QNG1: variants seen among roughly 807,000 people sequenced by gnomAD.
QNG1 encodes the protein Q-nucleotide N-glycosylase 1, also known as queuosine 5'-phosphate N-glycosylase/hydrolase.
At chr9:83,946,257 A>G in the QNG1 span, among the ~76,000 whole-genome samples, 1 of 152,046 alleles carries the variant, frequency 6.6e-6, no homozygotes, top group Admixed American at 6.6e-5. Context: ...GTGAGCCGAG[A>G]TCGCACCACT....
At chr9:83,946,116 C>T in the QNG1 span, among the ~76,000 whole-genome samples, 36 of 151,660 alleles carry the variant, frequency 2.4e-4, no homozygotes, top group South Asian at 7.5e-3. Context: ...ACCAGCCTGG[C>T]CCATATGGTA....
chr9:83,954,212 G>A, the QNG1 span, among the ~76,000 whole-genome samples: 1 of 151,896 alleles, frequency 6.6e-6, no homozygotes. Flanking sequence ...TTTTTATTAG[G>A]GAGAGGTTAG....
the QNG1 span, chr9:83,956,432 A>G: frequency 1.3e-6 from 2 of 1,568,888 alleles, no homozygotes; most frequent in Non-Finnish European, 1.7e-6. Context: ...CTCCGCTGTC[A>G]ATAAACACAT....
the QNG1 span, chr9:83,956,695 C>A: frequency 8.6e-6 from 4 of 467,272 alleles, no homozygotes; most frequent in African/African-American, 6.0e-5. Context: ...ATTAGGAAAC[C>A]AGAGAGACCC....
chr9:83,956,334 T>C, the QNG1 span: 50 of 1,613,318 alleles, frequency 3.1e-5, no homozygotes, highest in Non-Finnish European at 3.9e-5. Context: ...CGCCCTGGGG[T>C]TCAGCTCATG....
the QNG1 span, among the ~76,000 whole-genome samples, chr9:83,946,836 C>T: frequency 1.1e-4 from 16 of 152,240 alleles, no homozygotes; most frequent in South Asian, 2.3e-3. Flanking sequence ...TGACCTCAGG[C>T]GATCCGTGTG....
the QNG1 span, among the ~76,000 whole-genome samples, chr9:83,943,754 G>T: frequency 1.3e-5 from 2 of 152,186 alleles, no homozygotes; most frequent in Non-Finnish European, 2.9e-5. Context: ...CGGGGTGGTG[G>T]CTCACACCTG....
the QNG1 span, among the ~76,000 whole-genome samples, chr9:83,948,293 G>GA: frequency 6.7e-6 from 1 of 149,274 alleles, no homozygotes; most frequent in Admixed American, 6.6e-5. Context: ...CCCCGCCTGG[G>GA]AAGTGAGGAG....
the QNG1 span, chr9:83,956,309 C>G: frequency 3.1e-6 from 5 of 1,613,972 alleles, no homozygotes; most frequent in East Asian, 6.7e-5. Context: ...CCCAGTTGAC[C>G]GCGGCCTCGT....
At chr9:83,947,705 G>A in the QNG1 span, among the ~76,000 whole-genome samples, 11 of 152,216 alleles carry the variant, frequency 7.2e-5, no homozygotes, top group African/African-American at 2.7e-4. Flanking sequence ...GGTGGAGATG[G>A]GGTTTCGCCG....
At chr9:83,945,109 G>T in the QNG1 span, 1 of 830,662 alleles carries the variant, frequency 1.2e-6, no homozygotes, top group Non-Finnish European at 1.8e-6. Context: ...TTGTTGGTAA[G>T]AATTTATAGA....
chr9:83,946,196 T>C, the QNG1 span, among the ~76,000 whole-genome samples: 1 of 151,870 alleles, frequency 6.6e-6, no homozygotes, highest in East Asian at 2.0e-4. Context: ...TCTCAGCTAC[T>C]CAGGAGGCTG....
chr9:83,939,501 A>T, the QNG1 span: 1 of 1,580,296 alleles, frequency 6.3e-7, no homozygotes, highest in Non-Finnish European at 8.7e-7. Flanking sequence ...GGATCAGTTT[A>T]CACTTGAGGT....
the QNG1 span, among the ~76,000 whole-genome samples, chr9:83,948,784 T>C: frequency 1.3e-5 from 2 of 152,218 alleles, no homozygotes; most frequent in African/African-American, 4.8e-5. Flanking sequence ...TGTTAATCTA[T>C]AAACTTACCC....
At chr9:83,947,578 G>T in the QNG1 span, among the ~76,000 whole-genome samples, 1 of 152,218 alleles carries the variant, frequency 6.6e-6, no homozygotes, top group Non-Finnish European at 1.5e-5. Context: ...AGGCTGGACC[G>T]TACTGCCGCC....
the QNG1 span, chr9:83,955,608 T>C: frequency 1.2e-6 from 2 of 1,614,000 alleles, no homozygotes; most frequent in Admixed American, 1.7e-5. Context: ...AGGGTCACTG[T>C]CGCGTAGTAC....
At chr9:83,948,818 T>G in the QNG1 span, among the ~76,000 whole-genome samples, 2 of 152,194 alleles carry the variant, frequency 1.3e-5, no homozygotes, top group East Asian at 3.9e-4. Flanking sequence ...CTCTGAAACA[T>G]GTGCTGGGTC....
At chr9:83,953,496 C>A in the QNG1 span, among the ~76,000 whole-genome samples, 1 of 150,106 alleles carries the variant, frequency 6.7e-6, no homozygotes, top group Non-Finnish European at 1.5e-5. Flanking sequence ...TACAGGCACC[C>A]ACCACCACAC....
chr9:83,949,407 G>A, the QNG1 span, among the ~76,000 whole-genome samples: 1 of 152,214 alleles, frequency 6.6e-6, no homozygotes, highest in Admixed American at 6.5e-5. Flanking sequence ...ACTTTGGGAG[G>A]CCGAGGCGGG....
Sources: allele counts gnomAD v4.1 joint callset (sites outside exome capture counted in the v4.1 genomes callset), GRCh38; gene constraint gnomAD v4.1.1; transcripts MANE v1.5; gene names NCBI Gene and HGNC (gene_info 2026-07-23, HGNC 2026-07-21).